The following EDNRB variants were observed in gnomAD, a reference collection of about 807,000 sequenced individuals.
EDNRB encodes endothelin receptor type B.
A neutral mutation model predicts 46.4 loss-of-function variants in EDNRB; 18 were observed. The observed-to-expected ratio is 0.39, with a 90% CI of 0.27 to 0.57. EDNRB has a LOEUF of 0.57. Ranked by LOEUF, EDNRB falls within the 20% of genes least tolerant of loss-of-function variation. The pLI is 0.61. For missense variants in EDNRB, 434 were observed against 537.5 expected (o/e 0.81, Z 1.90); for synonymous variants, 213 against 204.9 (o/e 1.04, Z -0.34).
intron 1 of EDNRB, among the ~76,000 whole-genome samples, chr13:77,909,449 G>GA (rs1206962434): frequency 1.3e-5 from 2 of 151,570 alleles, no homozygotes; most frequent in Non-Finnish European, 3.0e-5. Context: ...AATAAATGAA[G>GA]AAAAAAAATC....
At chr13:77,968,565 A>G (rs1285810294) in intron 1 of EDNRB, among the ~76,000 whole-genome samples, 5 of 152,158 alleles carry the variant, frequency 3.3e-5, no homozygotes, top group African/African-American at 4.8e-5. Context: ...CTGCCTTCAT[A>G]TATATTTGAG....
chr13:77,934,941 G>A (rs548703249), intron 1 of EDNRB, among the ~76,000 whole-genome samples: 2 of 151,026 alleles, frequency 1.3e-5, no homozygotes, highest in Non-Finnish European at 2.9e-5. Context: ...TGAATGTCAG[G>A]TGGATCAGAG....
In EDNRB at chr13:77,935,582, A is replaced by G. The variant is rs115040352; in HGVS notation, c.-51-16958T>C. Among the ~76,000 whole-genome samples the G allele has an allele frequency of 2.6e-3, 403 of 152,302 alleles. 2 individuals carry two copies. The highest frequency in any genetic ancestry group is 9.0e-3 in the African/African-American group (374 of 41,568). ...TGTTGGGGTTTGAGAGATCAGTCAGACACAATAGGCAGGGAGAGCATGTGT... is the reference window on the plus strand; with the variant it reads ...TGTTGGGGTTTGAGAGATCAGTCAGGCACAATAGGCAGGGAGAGCATGTGT... On this transcript the variant is annotated intron_variant, in intron 1 of 7. Coordinates refer to the EDNRB transcript ENST00000646948.
At chr13:77,952,671 A>G (rs1339280610) in intron 1 of EDNRB, among the ~76,000 whole-genome samples, 1 of 152,210 alleles carries the variant, frequency 6.6e-6, no homozygotes, top group East Asian at 1.9e-4. Flanking sequence ...TTTAATGGGA[A>G]CAGAGACCCT....
chr13:77,901,262 A>G, intron 3 of EDNRB, 55 bp from the exon 4 acceptor site: 1 of 1,579,220 alleles, frequency 6.3e-7, no homozygotes, highest in Non-Finnish European at 8.6e-7. Flanking sequence ...AAAATCTTAT[A>G]TAACAAATGT....
chr13:77,898,990 C>T (rs1341241941), intron 6 of EDNRB, among the ~76,000 whole-genome samples: 1 of 151,834 alleles, frequency 6.6e-6, no homozygotes, highest in Non-Finnish European at 1.5e-5. Context: ...CAGTTTTCTT[C>T]AATTTTTTTC....
intron 1 of EDNRB, among the ~76,000 whole-genome samples, chr13:77,963,379 G>T (rs1419608927): frequency 2.0e-5 from 3 of 152,142 alleles, no homozygotes; most frequent in East Asian, 1.9e-4. Flanking sequence ...ATACTACAAG[G>T]CTACAGTAAC....
chr13:77,944,207 G>C (rs1303979227), intron 1 of EDNRB, among the ~76,000 whole-genome samples: 1 of 152,090 alleles, frequency 6.6e-6, no homozygotes, highest in African/African-American at 2.4e-5. Flanking sequence ...TGGCCAATGA[G>C]GCTCAGTGTA....
intron 1 of EDNRB, among the ~76,000 whole-genome samples, chr13:77,917,833 T>C (rs1229162746): frequency 6.6e-6 from 1 of 152,198 alleles, no homozygotes; most frequent in Non-Finnish European, 1.5e-5. Context: ...CTAACATTGC[T>C]AGACTGGGGA....
chr13:77,974,645 A>G (rs1314405240), intron 1 of EDNRB, among the ~76,000 whole-genome samples: 1 of 147,772 alleles, frequency 6.8e-6, no homozygotes, highest in Non-Finnish European at 1.5e-5. Flanking sequence ...TGCCTCTGCC[A>G]GCCACTTATG....
At chr13:77,963,021 T>C (rs1447786223) in intron 1 of EDNRB, among the ~76,000 whole-genome samples, 4 of 152,168 alleles carry the variant, frequency 2.6e-5, no homozygotes, top group African/African-American at 9.7e-5. Flanking sequence ...CCATTCACAA[T>C]TGCTTCAAGG....
intron 1 of EDNRB, among the ~76,000 whole-genome samples, chr13:77,959,201 C>T (rs1406797555): frequency 6.6e-6 from 1 of 152,184 alleles, no homozygotes; most frequent in South Asian, 2.1e-4. Context: ...TAGTGGTTCT[C>T]CCAGCACGGA....
chr13:77,947,261 A>G (rs979928277), intron 1 of EDNRB, among the ~76,000 whole-genome samples: 7 of 151,366 alleles, frequency 4.6e-5, no homozygotes, highest in Non-Finnish European at 8.8e-5. Flanking sequence ...GGTTTTTATT[A>G]GATTTCCTAT....
chr13:77,919,185 A>G, upstream of EDNRB: 1 of 595,844 alleles, frequency 1.7e-6, no homozygotes. Context: ...ACCCGCAGAG[A>G]CTTCTCAAGT....
At chr13:77,930,742 T>C (rs1461545238) in intron 1 of EDNRB, among the ~76,000 whole-genome samples, 1 of 152,228 alleles carries the variant, frequency 6.6e-6, no homozygotes, top group Non-Finnish European at 1.5e-5. Flanking sequence ...TTGATATATC[T>C]GCAATATGCC....
At chr13:77,961,580 A>G (rs1025850898) in intron 1 of EDNRB, among the ~76,000 whole-genome samples, 1 of 152,196 alleles carries the variant, frequency 6.6e-6, no homozygotes, top group Non-Finnish European at 1.5e-5. Context: ...CTTTGAAACC[A>G]ATGAGAACAA....
rs139465940 is a variant in EDNRB, at chr13:77,955,523, C to T, written c.-52+19824G>A. 4.2e-3 allele frequency among the ~76,000 whole-genome samples: 634 copies of T among 152,176 alleles called. 1 individual carries two copies. The highest frequency in any genetic ancestry group is 6.8e-3 in the Middle Eastern group (2 of 294). ...CTTTTGTTGCTTATGCTTTTGGTGTCATATTCAAGAAATCATTGCCAAGTC... is the reference window on the plus strand; with the variant it reads ...CTTTTGTTGCTTATGCTTTTGGTGTTATATTCAAGAAATCATTGCCAAGTC... On this transcript the variant is annotated intron_variant, in intron 1 of 7. Coordinates refer to the EDNRB transcript ENST00000646948.
intron 1 of EDNRB, among the ~76,000 whole-genome samples, chr13:77,933,967 C>G (rs550686513): frequency 4.0e-4 from 61 of 152,164 alleles, no homozygotes; most frequent in African/African-American, 1.5e-3. Context: ...ATTGGGAGGA[C>G]CCAGGACATC....
intron 1 of EDNRB, among the ~76,000 whole-genome samples, chr13:77,951,466 T>C (rs868444841): frequency 3.9e-5 from 6 of 152,134 alleles, no homozygotes; most frequent in Admixed American, 2.0e-4. Context: ...CTTCAATGCT[T>C]TTTGTTCCCA....
Sources: allele counts gnomAD v4.1 joint callset (sites outside exome capture counted in the v4.1 genomes callset), GRCh38; gene constraint gnomAD v4.1.1; transcripts MANE v1.5; gene names NCBI Gene and HGNC (gene_info 2026-07-23, HGNC 2026-07-21).